Variants in NFYC observed in about 807,000 individuals in gnomAD.
NFYC encodes the protein CAAT box DNA-binding protein subunit C.
NFYC carries 25 observed loss-of-function variants against 53.1 expected under a neutral mutation model. The ratio of observed to expected loss-of-function variants is 0.47; its 90% CI spans 0.34 to 0.66. NFYC has a LOEUF of 0.66. NFYC is among the 30% of genes least tolerant of loss of function. NFYC has a pLI of 0.01. For synonymous variants in NFYC, 145 were observed against 152.6 expected, an observed-to-expected ratio of 0.95 and a Z score of 0.37; for missense variants, 260 against 422.7, an observed-to-expected ratio of 0.62 and a Z score of 3.38.
chr1:40,755,300 G>T (rs1394317708), intron 5 of NFYC, among the ~76,000 whole-genome samples: 1 of 152,170 alleles, frequency 6.6e-6, no homozygotes, highest in Non-Finnish European at 1.5e-5. Flanking sequence ...AGTTGGGGAG[G>T]CCACTGCTAA....
intron 2 of NFYC, among the ~76,000 whole-genome samples, chr1:40,743,699 GGTGGACT>G (rs1175560032): frequency 2.0e-5 from 3 of 152,188 alleles, no homozygotes; most frequent in Admixed American, 1.3e-4. Flanking sequence ...GATGAAGGTT[GGTGGACT>G]GTTACAAAAC....
At chr1:40,742,864 T>C (rs1159069223) in intron 2 of NFYC, among the ~76,000 whole-genome samples, 1 of 152,230 alleles carries the variant, frequency 6.6e-6, no homozygotes, top group Admixed American at 6.5e-5. Context: ...TCTGCTTCTC[T>C]GACTGCGCTG....
At chr1:40,737,861 A>G (rs1317184430) in intron 1 of NFYC, among the ~76,000 whole-genome samples, 1 of 151,832 alleles carries the variant, frequency 6.6e-6, no homozygotes, top group Non-Finnish European at 1.5e-5. Context: ...ACAGGATCAC[A>G]GTGTCTAAAA....
intron 1 of NFYC, among the ~76,000 whole-genome samples, chr1:40,715,896 A>C (rs1023594451): frequency 2.6e-5 from 4 of 152,244 alleles, no homozygotes; most frequent in African/African-American, 9.6e-5. Context: ...AGAAGACTAA[A>C]ATAACTACAG....
At chr1:40,769,508 C>T in intron 9 of NFYC, 93 bp downstream of exon 9, 1 of 979,814 alleles carries the variant, frequency 1.0e-6, no homozygotes, top group East Asian at 2.4e-5. Context: ...GGCAACTGTC[C>T]TGTCCTCTAC....
intron 1 of NFYC, among the ~76,000 whole-genome samples, chr1:40,704,893 T>A (rs1643620525): frequency 6.6e-6 from 1 of 152,168 alleles, no homozygotes; most frequent in Non-Finnish European, 1.5e-5. Context: ...GCCTGCAGAA[T>A]ATGCTAGAGA....
intron 1 of NFYC, among the ~76,000 whole-genome samples, chr1:40,714,860 C>T (rs987079266): frequency 6.6e-6 from 1 of 152,042 alleles, no homozygotes; most frequent in Non-Finnish European, 1.5e-5. Context: ...GCAGGCAGAT[C>T]ACGAGGTCAG....
At chr1:40,693,389 C>T (rs1235129594) in intron 1 of NFYC, among the ~76,000 whole-genome samples, 1 of 152,202 alleles carries the variant, frequency 6.6e-6, no homozygotes, top group African/African-American at 2.4e-5. Context: ...TGTTAAACAT[C>T]TGTGTTTTCC....
intron 1 of NFYC, among the ~76,000 whole-genome samples, chr1:40,697,531 C>T (rs912226239): frequency 6.6e-5 from 10 of 152,234 alleles, no homozygotes; most frequent in East Asian, 1.9e-4. Flanking sequence ...GTAATGATTG[C>T]GATGCGATGA....
rs139703275 is a variant in NFYC at position 40,719,235 on chromosome 1, C to G, written c.-8-19601C>G. ...TATGATTTATAATCCTTGCTTACCC[C>G]TAGTGAGGTGGAACAAAGGAATTCT... On this transcript the variant is annotated intron_variant, in intron 1 of 9. Transcript: ENST00000447388. Among the ~76,000 whole-genome samples the G allele has an allele frequency of 5.4e-4, 82 of 152,322 alleles. 1 individual carries two copies. Among genetic ancestry groups the G allele is most frequent in the African/African-American group, 1.9e-3 (78 of 41,562 alleles).
intron 1 of NFYC, among the ~76,000 whole-genome samples, chr1:40,696,024 G>GTTTTTT (rs35472258): frequency 7.3e-6 from 1 of 136,674 alleles, no homozygotes; most frequent in Non-Finnish European, 1.6e-5. Flanking sequence ...TTGTAATTCT[G>GTTTTTT]TTTTTTTTTT....
At chr1:40,755,263 T>C (rs1266216609) in intron 5 of NFYC, among the ~76,000 whole-genome samples, 2 of 152,224 alleles carry the variant, frequency 1.3e-5, no homozygotes, top group East Asian at 3.8e-4. Flanking sequence ...TCTCAGCTTC[T>C]GGAAAGATTC....
At chr1:40,734,750 G>A (rs573882622) in intron 1 of NFYC, 2 of 152,262 alleles carry the variant, frequency 1.3e-5, no homozygotes, top group African/African-American at 4.8e-5. Flanking sequence ...TTGAATAAAA[G>A]TACTCACTTT....
chr1:40,733,557 T>C (rs954287949), intron 1 of NFYC, among the ~76,000 whole-genome samples: 8 of 151,450 alleles, frequency 5.3e-5, no homozygotes, highest in African/African-American at 1.9e-4. Context: ...GTCTCTTTTT[T>C]CTTGTATTTT....
In NFYC at chr1:40,766,684, T is replaced by G. The variant is rs1248724979; in HGVS notation, c.809T>G (p.Leu270Arg). Residue 270 changes from leucine (L) to arginine (R), a missense_variant, in exon 8 of 10, where the codon CTT becomes CGT. Leu to Arg is a moderately radical substitution (Grantham distance 102). Transcript: ENST00000447388. ...GTTGTGCAGGGACAGATCCAGACAC[T>G]TGCCACCAATGCTCAACAGGTATGT... is the stretch of plus-strand genomic sequence containing the variant. ...TQVVQGQIQTLATNAQQITQT... is the reference protein window; with the variant it reads ...TQVVQGQIQTRATNAQQITQT... 1 of 1,614,022 alleles carries G rather than the reference T, an allele frequency of 6.2e-7. No homozygotes were observed. Among genetic ancestry groups the G allele is most frequent in the Non-Finnish European group, 8.5e-7 (1 of 1,179,964 alleles).
At chr1:40,748,626 G>T (rs1645746854) in intron 3 of NFYC, among the ~76,000 whole-genome samples, 1 of 152,146 alleles carries the variant, frequency 6.6e-6, no homozygotes, top group Non-Finnish European at 1.5e-5. Context: ...TTGTGAGAGG[G>T]TTTGCGTGGG....
intron 1 of NFYC, among the ~76,000 whole-genome samples, chr1:40,721,920 C>T (rs1474196707): frequency 6.6e-6 from 1 of 152,060 alleles, no homozygotes; most frequent in Non-Finnish European, 1.5e-5. Context: ...CCTGTAATCC[C>T]AGCACTTTGG....
chr1:40,711,368 A>G (rs1316736926), intron 1 of NFYC, among the ~76,000 whole-genome samples: 1 of 152,220 alleles, frequency 6.6e-6, no homozygotes, highest in African/African-American at 2.4e-5. Flanking sequence ...GATTATTTAT[A>G]TGTTATCAGT....
intron 6 of NFYC, 49 bp downstream of exon 6, chr1:40,758,343 G>A (rs1309676033): frequency 4.6e-6 from 7 of 1,536,422 alleles, no homozygotes; most frequent in African/African-American, 2.7e-5. Flanking sequence ...TGCCCCTTAG[G>A]TTTTTGGATG....
Sources: allele counts gnomAD v4.1 joint callset (sites outside exome capture counted in the v4.1 genomes callset), GRCh38; gene constraint gnomAD v4.1.1; transcripts MANE v1.5; gene names NCBI Gene and HGNC (gene_info 2026-07-23, HGNC 2026-07-21).